Variants in ELN observed in about 807,000 individuals in gnomAD.
ELN encodes the protein tropoelastin.
A neutral mutation model predicts 105.8 loss-of-function variants in ELN; 65 were observed. That is an observed-to-expected ratio of 0.61 (90% confidence interval 0.50 to 0.75). The LOEUF is 0.75. Ranked by LOEUF, ELN falls within the 30% of genes least tolerant of loss-of-function variation. The pLI, the probability that ELN is intolerant of heterozygous loss-of-function variation, is 0.00. For missense variants in ELN, 882 were observed against 969.4 expected (o/e 0.91, Z 1.20); for synonymous variants, 368 against 389.2 (o/e 0.95, Z 0.64).
At chr7:74,054,673 T>C (rs1794867832) in intron 18 of ELN, 43 bp from the exon 19 acceptor site, 1 of 1,605,036 alleles carries the variant, frequency 6.2e-7, no homozygotes. Context: ...ACAGCTCTCC[T>C]CCAATCTCTC....
rs782642175 is a variant in ELN, at chr7:74,068,673, G to C, written c.2148G>C (p.Gly716=). 2.0e-5 allele frequency: 32 copies of C among 1,614,062 alleles called. No individual in the cohort carries two copies. Among genetic ancestry groups the C allele is most frequent in the Non-Finnish European group, 1.9e-5 (23 of 1,179,958 alleles). Residue 716 remains glycine (G), a synonymous_variant, in exon 33 of 33, where the codon GGG becomes GGC. Transcript: ENST00000252034. ...CCCGTCCAGGTGGGGCCTGCCTGGG[G>C]AAAGCTTGTGGCCGGAAGAGAAAAT... ...SPIFPGGACL[G]KACGRKRK
At chr7:74,040,948 G>A (rs1417442519) in intron 4 of ELN, among the ~76,000 whole-genome samples, 4 of 152,192 alleles carry the variant, frequency 2.6e-5, no homozygotes, top group Admixed American at 6.5e-5. Context: ...GCTGAATCTT[G>A]TTAGCCAGCA....
rs367742656 is a variant in ELN, at chr7:74,056,419, G to C, written c.1299G>C (p.Pro433=). Residue 433 remains proline, a synonymous_variant, in exon 20 of 33, where the codon CCG becomes CCC. Transcript: ENST00000252034. ...VGGVPGVGGV[P]GVGISPEAQA... ...GTGTTCCCGGAGTCGGAGGTGTCCC[G>C]GGAGTTGGCATTTCCCGTGAGCCTT... is the stretch of plus-strand genomic sequence containing the variant. The C allele has an allele frequency of 1.2e-6, 2 of 1,613,712 alleles. No individual in the cohort carries two copies. Among genetic ancestry groups the C allele is most frequent in the South Asian group, 2.2e-5 (2 of 91,060 alleles).
At chr7:74,048,361 C>T in intron 14 of ELN, 142 bp from the exon 15 acceptor site, 1 of 1,474,462 alleles carries the variant, frequency 6.8e-7, no homozygotes. Context: ...AGTGGGGCAG[C>T]TCCATCAGCC....
At chr7:74,037,978 G>A (rs533164137) in intron 4 of ELN, 55 of 563,622 alleles carry the variant, frequency 9.8e-5, no homozygotes, top group Middle Eastern at 4.9e-4. Flanking sequence ...GTGTGAGGGC[G>A]TCTAGCATCT....
intron 1 of ELN, among the ~76,000 whole-genome samples, chr7:74,033,465 G>A (rs782736406): frequency 1.3e-5 from 2 of 152,264 alleles, no homozygotes; most frequent in Admixed American, 6.5e-5. Context: ...GCTTGGCAGC[G>A]GATGACAGGG....
At chr7:74,068,280 C>T (rs952371725) in intron 32 of ELN, among the ~76,000 whole-genome samples, 1 of 152,154 alleles carries the variant, frequency 6.6e-6, no homozygotes, top group Non-Finnish European at 1.5e-5. Flanking sequence ...CTGAGAGGGC[C>T]GTCTCCTGCA....
chr7:74,037,749 A>C lies in ELN; in HGVS notation c.196+10A>C, dbSNP rs782475698. 31 of 1,611,012 alleles carry C rather than the reference A, an allele frequency of 1.9e-5. No individual in the cohort carries two copies. Among genetic ancestry groups the C allele is most frequent in the Non-Finnish European group, 2.4e-5 (28 of 1,178,814 alleles). On this transcript the variant is annotated intron_variant, in intron 4 of 32. Transcript: ENST00000252034. ...AAACCTCTTAAGCCAGGTAAGACCC[A>C]AGGCCTCGGAGCATTGAGAGACAGC...
chr7:74,059,861 T>C (rs782672163), intron 22 of ELN, 25 bp from the exon 23 acceptor site: 3 of 1,024,886 alleles, frequency 2.9e-6, no homozygotes, highest in Non-Finnish European at 4.7e-6. Context: ...TCTTGGTTAA[T>C]GATCAGCTCT....
intron 9 of ELN, among the ~76,000 whole-genome samples, chr7:74,044,503 G>T (rs1266579564): frequency 1.3e-5 from 2 of 152,178 alleles, no homozygotes; most frequent in Non-Finnish European, 2.9e-5. Context: ...GGCCCCCGAG[G>T]ACAGATCCCA....
intron 1 of ELN, among the ~76,000 whole-genome samples, chr7:74,030,718 T>A (rs1052673522): frequency 2.0e-5 from 3 of 152,066 alleles, no homozygotes; most frequent in Non-Finnish European, 4.4e-5. Context: ...TTAATTATTG[T>A]TTTCCGTCCT....
intron 1 of ELN, among the ~76,000 whole-genome samples, chr7:74,028,907 G>A (rs553006383): frequency 1.3e-5 from 2 of 152,200 alleles, no homozygotes; most frequent in South Asian, 2.1e-4. Context: ...TGAGCGTGCT[G>A]TGTGCTCGTG....
At position 74,037,753 on chromosome 7, in the gene ELN, C is replaced by T; in HGVS notation, c.196+14C>T. ...CTCTTAAGCCAGGTAAGACCCAAGG[C>T]CTCGGAGCATTGAGAGACAGCGAGG... On this transcript the variant is annotated intron_variant, in intron 4 of 32. Transcript: ENST00000252034. 2 of 1,610,844 alleles carry T rather than the reference C, an allele frequency of 1.2e-6. No homozygotes were observed. Among genetic ancestry groups the T allele is most frequent in the South Asian group, 2.2e-5 (2 of 90,124 alleles).
intron 4 of ELN, 128 bp downstream of exon 4, chr7:74,037,867 G>A: frequency 7.1e-7 from 1 of 1,399,860 alleles, no homozygotes; most frequent in Non-Finnish European, 9.8e-7. Context: ...GAGGAAGGAG[G>A]GAGGTGTGGA....
rs1445725512 is a variant in ELN at position 74,068,966 on chromosome 7, C to T, written c.*266C>T. The T allele has an allele frequency of 3.7e-6, 2 of 543,846 alleles. No homozygotes were observed. The highest frequency in any genetic ancestry group is 6.7e-6 in the Non-Finnish European group (2 of 299,946). 33.7% of individuals were successfully genotyped at this position (543,846 alleles called of 1,614,324 possible). A position where few individuals can be genotyped will look rare whatever the true frequency, so the allele number is the denominator to read the frequency against. The stretch of plus-strand genomic sequence containing the variant: ...CATCCCTTCCCACCTAGGAGCTCCC[C>T]CTCCACACAGCCTCCATCTCCAGGG... On this transcript the variant is annotated 3_prime_UTR_variant, in exon 33 of 33. Transcript: ENST00000252034.
intron 1 of ELN, among the ~76,000 whole-genome samples, chr7:74,029,352 C>A (rs1788144897): frequency 6.6e-6 from 1 of 152,152 alleles, no homozygotes; most frequent in Admixed American, 6.5e-5. Context: ...GTGCCCCAAC[C>A]CAGGCACAGT....
intron 1 of ELN, among the ~76,000 whole-genome samples, chr7:74,034,742 C>T (rs376785354): frequency 6.6e-5 from 10 of 151,946 alleles, no homozygotes; most frequent in East Asian, 2.0e-4. Context: ...ATCCAGGCCC[C>T]GTCTCTTTCC....
chr7:74,046,816 G>T, intron 12 of ELN, 49 bp downstream of exon 12: 6 of 1,591,918 alleles, frequency 3.8e-6, no homozygotes, highest in Non-Finnish European at 5.2e-6. Context: ...GGGTGTGGTG[G>T]TTCACACCTG....
At chr7:74,029,719 C>T (rs1265703186) in intron 1 of ELN, among the ~76,000 whole-genome samples, 2 of 152,222 alleles carry the variant, frequency 1.3e-5, no homozygotes, top group African/African-American at 4.8e-5. Context: ...GCCCCGGGTC[C>T]GTCTCAGCCT....
Sources: allele counts gnomAD v4.1 joint callset (sites outside exome capture counted in the v4.1 genomes callset), GRCh38; gene constraint gnomAD v4.1.1; transcripts MANE v1.5; gene names NCBI Gene and HGNC (gene_info 2026-07-23, HGNC 2026-07-21).